Variants in DCAKD observed in about 807,000 individuals in gnomAD.
DCAKD encodes the protein dephospho-CoA kinase domain containing, also known as dephospho-CoA kinase domain-containing protein.
DCAKD carries 15 observed loss-of-function variants against 18.7 expected under a neutral mutation model. That is an observed-to-expected ratio of 0.80 (90% confidence interval 0.54 to 1.24). DCAKD has a LOEUF of 1.24. Among genes scored for constraint, DCAKD ranks in the 50% most tolerant of loss-of-function variants. The probability of loss-of-function intolerance (pLI) is 0.00; values close to 1 mark genes in which losing one functional copy is unlikely to be tolerated. For synonymous variants in DCAKD, 130 were observed against 133.0 expected (o/e 0.98, Z 0.16); for missense variants, 301 against 322.0 (o/e 0.93, Z 0.50).
intron 1 of DCAKD, among the ~76,000 whole-genome samples, chr17:45,058,659 T>C (rs1379158861): frequency 9.9e-5 from 15 of 151,792 alleles, no homozygotes; most frequent in Admixed American, 7.2e-4. Flanking sequence ...TGACCTCAGG[T>C]GATCCACCCA....
upstream of DCAKD, among the ~76,000 whole-genome samples, chr17:45,055,944 A>G (rs1296962483): frequency 2.0e-5 from 3 of 152,194 alleles, no homozygotes; most frequent in Non-Finnish European, 1.5e-5. Context: ...ACCTGAGGTC[A>G]GGAGTTTGAG....
chr17:45,060,108 C>T (rs1488589484), intron 1 of DCAKD, among the ~76,000 whole-genome samples: 1 of 150,462 alleles, frequency 6.6e-6, no homozygotes, highest in African/African-American at 2.5e-5. Context: ...CGTCTCAAAA[C>T]AAAACAAAAC....
Position 45,024,316 on chromosome 17 carries a change from T to G in DCAKD, c.*117A>C. 4 of 691,244 alleles carry G rather than the reference T, an allele frequency of 5.8e-6. No homozygotes were observed. The highest frequency in any genetic ancestry group is 6.7e-6 in the Non-Finnish European group (3 of 450,930). 42.8% of individuals were successfully genotyped at this position (691,244 alleles called of 1,614,324 possible). On this transcript the variant is annotated 3_prime_UTR_variant, in exon 5 of 5. Transcript: ENST00000651974. ...GTGTGTGTGTGTGTGTGTGTGTGTG[T>G]GTGTGTGTGTGTGTGTGTGTGTGGG...
At chr17:45,033,997 A>G in intron 3 of DCAKD, 190 bp downstream of exon 3, 1 of 1,593,368 alleles carries the variant, frequency 6.3e-7, no homozygotes, top group Non-Finnish European at 8.5e-7. Context: ...AGCCTCCTTA[A>G]GAGCTGAGGG....
At chr17:45,024,916 T>C (rs2053022972) in intron 4 of DCAKD, among the ~76,000 whole-genome samples, 192 bp from the exon 5 acceptor site, 1 of 150,782 alleles carries the variant, frequency 6.6e-6, no homozygotes, top group African/African-American at 2.4e-5. Context: ...ACTGGCTGCC[T>C]CACACCCCAC....
chr17:45,027,124 T>C (rs976253001), intron 4 of DCAKD, among the ~76,000 whole-genome samples: 1 of 152,092 alleles, frequency 6.6e-6, no homozygotes, highest in Non-Finnish European at 1.5e-5. Context: ...GGAGGATCAT[T>C]GAGCCCAGGA....
chr17:45,036,724 A>G (rs1235431362), intron 1 of DCAKD, among the ~76,000 whole-genome samples: 1 of 152,132 alleles, frequency 6.6e-6, no homozygotes, highest in African/African-American at 2.4e-5. Flanking sequence ...ATCACACCAT[A>G]AACTTTTAAG....
intron 1 of DCAKD, among the ~76,000 whole-genome samples, chr17:45,040,387 C>CAAAAAA (rs34624870): frequency 2.5e-5 from 2 of 80,334 alleles, no homozygotes; most frequent in African/African-American, 9.5e-5. Context: ...GACTCCATCT[C>CAAAAAA]AAAAAAAAAA....
At chr17:45,031,447 A>C in intron 3 of DCAKD, 11 of 943,580 alleles carry the variant, frequency 1.2e-5, no homozygotes, top group Non-Finnish European at 1.3e-5. Flanking sequence ...AAGAATACCT[A>C]CTTCACAGGA....
intron 1 of DCAKD, 193 bp from the exon 2 acceptor site, chr17:45,035,192 C>A: frequency 6.3e-6 from 2 of 315,122 alleles, no homozygotes; most frequent in African/African-American, 2.2e-5. Context: ...GCAAAGAAGG[C>A]AAATGTGGCC....
At chr17:45,025,744 CTTTTTTTTTTT>C (rs66731834) in intron 4 of DCAKD, among the ~76,000 whole-genome samples, 1 of 103,882 alleles carries the variant, frequency 9.6e-6, no homozygotes, top group Non-Finnish European at 1.8e-5. Flanking sequence ...TTGGTTCCTT[CTTTTTTTTTTT>C]TTTTTTTTTT....
intron 1 of DCAKD, among the ~76,000 whole-genome samples, chr17:45,036,777 T>A (rs993575436): frequency 6.6e-6 from 1 of 152,210 alleles, no homozygotes; most frequent in Non-Finnish European, 1.5e-5. Flanking sequence ...TTACCATGTC[T>A]TGGACTTTGT....
intron 3 of DCAKD, chr17:45,033,816 G>A (rs1263264659): frequency 7.9e-6 from 9 of 1,143,748 alleles, no homozygotes; most frequent in South Asian, 1.6e-5. Flanking sequence ...AGCTGAGGGC[G>A]AGATCACTCA....
At chr17:45,040,691 T>A (rs931989346) in intron 1 of DCAKD, among the ~76,000 whole-genome samples, 8 of 152,110 alleles carry the variant, frequency 5.3e-5, no homozygotes, top group Non-Finnish European at 1.5e-5. Context: ...TCATTCTCCA[T>A]GTCAGTGAAA....
intron 1 of DCAKD, among the ~76,000 whole-genome samples, chr17:45,039,166 C>T (rs925496930): frequency 6.6e-6 from 1 of 152,152 alleles, no homozygotes; most frequent in African/African-American, 2.4e-5. Flanking sequence ...CCACGGTGCT[C>T]CCAAAGCTCA....
chr17:45,041,674 G>C (rs2053440143), intron 1 of DCAKD, among the ~76,000 whole-genome samples: 1 of 152,072 alleles, frequency 6.6e-6, no homozygotes, highest in Admixed American at 6.6e-5. Context: ...ACTCACCTCA[G>C]GGCTAACTAC....
At chr17:45,044,210 C>T (rs1255321248) in intron 1 of DCAKD, among the ~76,000 whole-genome samples, 2 of 152,148 alleles carry the variant, frequency 1.3e-5, no homozygotes, top group Non-Finnish European at 2.9e-5. Flanking sequence ...GCATCTCCAA[C>T]CACTCCCCCC....
At chr17:45,029,847 A>G (rs1156704349) in intron 4 of DCAKD, among the ~76,000 whole-genome samples, 2 of 150,580 alleles carry the variant, frequency 1.3e-5, no homozygotes, top group Admixed American at 1.3e-4. Context: ...AGTGCCTGCA[A>G]TGGTCAGCGG....
chr17:45,059,022 C>T (rs946797396), intron 1 of DCAKD, among the ~76,000 whole-genome samples: 10 of 152,036 alleles, frequency 6.6e-5, no homozygotes, highest in African/African-American at 1.9e-4. Flanking sequence ...GGGCAGATCA[C>T]GAGGTCAGGA....
Sources: gnomAD v4.1 joint callset for allele counts (sites outside exome capture counted in the v4.1 genomes callset) on GRCh38, gnomAD v4.1.1 for gene constraint, MANE v1.5 for transcripts, NCBI Gene and HGNC (gene_info 2026-07-23, HGNC 2026-07-21) for gene names.